Variants in LPP observed in about 807,000 individuals in gnomAD.
LPP encodes the protein LIM domain containing preferred translocation partner in lipoma.
In LPP, 38 loss-of-function variants were observed where a neutral mutation model predicts 60.4. The observed-to-expected ratio is 0.63, with a 90% CI of 0.49 to 0.83. The LOEUF (loss-of-function observed/expected upper bound fraction) is 0.83, where lower values mean the gene tolerates loss of function less well. LPP is among the 40% of genes least tolerant of loss of function. LPP has a pLI of 0.00. For missense variants in LPP, 902 were observed against 783.6 expected (o/e 1.15, Z -1.80); for synonymous variants, 328 against 290.8 (o/e 1.13, Z -1.30).
At chr3:188,409,131 G>A (rs1784341547) in intron 4 of LPP, among the ~76,000 whole-genome samples, 1 of 152,198 alleles carries the variant, frequency 6.6e-6, no homozygotes, top group Non-Finnish European at 1.5e-5. Flanking sequence ...CTGGCTGGGT[G>A]AGTGCACTGC....
intron 9 of LPP, among the ~76,000 whole-genome samples, chr3:188,820,361 A>C (rs954784457): frequency 4.6e-5 from 7 of 152,012 alleles, no homozygotes; most frequent in African/African-American, 1.7e-4. Context: ...GAAAATGTCA[A>C]GTTATTTTGA....
chr3:188,267,839 C>G (rs1050323919), intron 2 of LPP, among the ~76,000 whole-genome samples: 1 of 152,016 alleles, frequency 6.6e-6, no homozygotes, highest in Non-Finnish European at 1.5e-5. Flanking sequence ...AGCCCCAGGA[C>G]CCCCCAGACC....
chr3:188,706,715 A>G (rs1865547450), intron 7 of LPP, among the ~76,000 whole-genome samples: 1 of 152,200 alleles, frequency 6.6e-6, no homozygotes, highest in Non-Finnish European at 1.5e-5. Context: ...GGTGTAGTGA[A>G]GATAATAGGA....
At chr3:188,658,042 C>T (rs1853694997) in intron 7 of LPP, among the ~76,000 whole-genome samples, 1 of 151,124 alleles carries the variant, frequency 6.6e-6, no homozygotes, top group South Asian at 2.1e-4. Flanking sequence ...TATCAATCAA[C>T]ACAGTGACAG....
chr3:188,845,143 A>G (rs1172832355), intron 9 of LPP, among the ~76,000 whole-genome samples: 1 of 152,224 alleles, frequency 6.6e-6, no homozygotes, highest in East Asian at 1.9e-4. Context: ...CCAAATTGAG[A>G]TTGGATTCAG....
At chr3:188,255,113 G>T (rs746444344) in intron 2 of LPP, among the ~76,000 whole-genome samples, 3 of 152,176 alleles carry the variant, frequency 2.0e-5, no homozygotes, top group Non-Finnish European at 4.4e-5. Context: ...TTGTTTCATA[G>T]GGCAGGGTAC....
At chr3:188,693,051 T>G (rs1283325430) in intron 7 of LPP, among the ~76,000 whole-genome samples, 1 of 152,224 alleles carries the variant, frequency 6.6e-6, no homozygotes, top group Non-Finnish European at 1.5e-5. Context: ...GAGTTTTTGA[T>G]GATACTCATG....
At chr3:188,431,278 G>A (rs1790826544) in intron 4 of LPP, among the ~76,000 whole-genome samples, 1 of 151,986 alleles carries the variant, frequency 6.6e-6, no homozygotes, top group South Asian at 2.1e-4. Context: ...TGCCTTAGTT[G>A]GGCATTTTTT....
intron 4 of LPP, among the ~76,000 whole-genome samples, chr3:188,430,775 A>G (rs1446503297): frequency 6.6e-6 from 1 of 152,172 alleles, no homozygotes; most frequent in East Asian, 1.9e-4. Context: ...GGCCAAGTTC[A>G]GTAAAGTTGA....
chr3:188,745,585 T>A (rs1311292813), intron 8 of LPP, among the ~76,000 whole-genome samples: 1 of 152,194 alleles, frequency 6.6e-6, no homozygotes, highest in African/African-American at 2.4e-5. Context: ...GTCTTCTACC[T>A]CAAGTCTTTT....
chr3:188,398,885 A>G (rs1159374264), intron 3 of LPP, among the ~76,000 whole-genome samples: 5 of 152,236 alleles, frequency 3.3e-5, no homozygotes, highest in Admixed American at 6.5e-5. Context: ...GGGGGAGGAT[A>G]GAAGAGTCAG....
At chr3:188,398,951 A>T (rs1387574516) in intron 3 of LPP, among the ~76,000 whole-genome samples, 1 of 152,250 alleles carries the variant, frequency 6.6e-6, no homozygotes, top group Non-Finnish European at 1.5e-5. Context: ...ACTGATGAGC[A>T]AAGAGGAGAA....
At chr3:188,758,911 T>A (rs1315396395) in intron 8 of LPP, 1 of 152,234 alleles carries the variant, frequency 6.6e-6, no homozygotes, top group Non-Finnish European at 1.5e-5. Flanking sequence ...GTTGTGAATA[T>A]GAAATGAGTT....
chr3:188,651,288 C>G (rs568687515), intron 7 of LPP, among the ~76,000 whole-genome samples: 2 of 152,094 alleles, frequency 1.3e-5, no homozygotes, highest in Non-Finnish European at 2.9e-5. Flanking sequence ...AGCAAATACT[C>G]CTTTGTGTAA....
chr3:188,328,666 C>G (rs1759125868), intron 2 of LPP, among the ~76,000 whole-genome samples: 2 of 152,100 alleles, frequency 1.3e-5, no homozygotes, highest in African/African-American at 2.4e-5. Flanking sequence ...TAGCAGCTGT[C>G]AATTTAAACA....
chr3:188,160,883 G>C (rs1321344046), intron 1 of LPP, among the ~76,000 whole-genome samples: 1 of 152,210 alleles, frequency 6.6e-6, no homozygotes, highest in East Asian at 1.9e-4. Context: ...ATGGAGAAAG[G>C]AGTGACCAAT....
chr3:188,299,698 C>T (rs1158606081), intron 2 of LPP, among the ~76,000 whole-genome samples: 1 of 152,080 alleles, frequency 6.6e-6, no homozygotes, highest in Non-Finnish European at 1.5e-5. Flanking sequence ...GGATGTTGGA[C>T]CTTGGGATGA....
chr3:188,451,837 C>T (rs996262031), intron 4 of LPP, among the ~76,000 whole-genome samples: 4 of 152,118 alleles, frequency 2.6e-5, no homozygotes, highest in African/African-American at 7.2e-5. Context: ...GTGGCATCCT[C>T]GAGGGATAGT....
chr3:188,807,112 G>C (rs553904808), intron 9 of LPP, among the ~76,000 whole-genome samples: 2 of 108,112 alleles, frequency 1.8e-5, no homozygotes, highest in Non-Finnish European at 3.6e-5. Context: ...TTACCAAGTA[G>C]AGAATTGGTT....
Sources: gnomAD v4.1 joint callset for allele counts (sites outside exome capture counted in the v4.1 genomes callset) on GRCh38, gnomAD v4.1.1 for gene constraint, MANE v1.5 for transcripts, NCBI Gene and HGNC (gene_info 2026-07-23, HGNC 2026-07-21) for gene names.